Variants in GRM5 observed in about 807,000 individuals in gnomAD.
The protein encoded by GRM5 is glutamate metabotropic receptor 5.
GRM5 carries 19 observed loss-of-function variants against 83.1 expected under a neutral mutation model. The observed-to-expected ratio is 0.23, with a 90% CI of 0.16 to 0.34. The LOEUF (loss-of-function observed/expected upper bound fraction) is 0.34. Ranked by LOEUF, GRM5 falls within the 10% of genes least tolerant of loss-of-function variation. GRM5 has a pLI of 1.00. For missense variants in GRM5, 1,160 were observed against 1,588.3 expected (o/e 0.73, Z 4.58); for synonymous variants, 675 against 633.6 (o/e 1.07, Z -0.98).
At chr11:88,734,470 A>G (rs551396523) in intron 3 of GRM5, among the ~76,000 whole-genome samples, 1 of 152,202 alleles carries the variant, frequency 6.6e-6, no homozygotes, top group African/African-American at 2.4e-5. Flanking sequence ...AAGCATTGTA[A>G]GGAAGATCTC....
Position 88,801,535 on chromosome 11 carries a change from T to C in GRM5, c.911+48371A>G, listed in dbSNP as rs528883570. 1.8e-4 allele frequency among the ~76,000 whole-genome samples: 27 copies of C among 152,262 alleles called. 1 individual carries two copies. In the East Asian group the frequency reaches 5.0e-3, roughly 28 times the overall value. On this transcript the variant is annotated intron_variant, in intron 3 of 9. Coordinates refer to ENST00000305447, the MANE Select transcript of GRM5 (RefSeq NM_001143831.3). ...AATTTAGTTATTTGAGACAAATATA[T>C]CTACTTGTAAATAATCATCCATGCA... is the stretch of plus-strand genomic sequence containing the variant.
chr11:88,952,758 A>T (rs1263087082), intron 2 of GRM5, among the ~76,000 whole-genome samples: 1 of 152,162 alleles, frequency 6.6e-6, no homozygotes, highest in Non-Finnish European at 1.5e-5. Context: ...TTAAAAATAA[A>T]TCAGAACAAT....
chr11:88,891,890 G>A (rs1462958061), intron 2 of GRM5, among the ~76,000 whole-genome samples: 1 of 151,962 alleles, frequency 6.6e-6, no homozygotes, highest in Non-Finnish European at 1.5e-5. Flanking sequence ...AACAAGAGTT[G>A]TCTTAAATGG....
intron 4 of GRM5, among the ~76,000 whole-genome samples, chr11:88,610,368 A>T (rs12274100): frequency 0.22 from 33,049 of 151,924 alleles, 3,582 homozygotes; most frequent in Middle Eastern, 0.26. Flanking sequence ...TGTTCTTCCA[A>T]TTGTTTGTGT....
rs1226213295 is a variant in GRM5, at chr11:88,989,463, G to A, written c.661+57749C>T. 3.5e-5 allele frequency among the ~76,000 whole-genome samples: 4 copies of A among 112,952 alleles called. 2 individuals carry two copies. The highest frequency in any genetic ancestry group is 1.9e-4 in the Admixed American group (2 of 10,532). The allele number at this position is 112,952 out of a possible 152,430, so 74.1% of individuals were successfully genotyped here. On this transcript the variant is annotated intron_variant, in intron 2 of 9. Transcript: ENST00000305447. ...ATTAGACAGATCAACAAGACAGAAAGTCAACAAGGATACCCAGGAATTGAA... is the reference window on the plus strand; with the variant it reads ...ATTAGACAGATCAACAAGACAGAAAATCAACAAGGATACCCAGGAATTGAA...
At chr11:88,836,421 A>G (rs1380354655) in intron 3 of GRM5, among the ~76,000 whole-genome samples, 4 of 152,210 alleles carry the variant, frequency 2.6e-5, no homozygotes, top group African/African-American at 7.2e-5. Flanking sequence ...ATATGTATAT[A>G]TGTGTGTATA....
At chr11:88,769,082 T>G (rs11021265) in intron 3 of GRM5, among the ~76,000 whole-genome samples, 3,820 of 152,144 alleles carry the variant, frequency 0.025, 167 homozygotes, top group African/African-American at 0.088. Flanking sequence ...AGTCAATAAA[T>G]TTGTTTCCCA....
intron 3 of GRM5, among the ~76,000 whole-genome samples, chr11:88,842,284 C>G (rs866011640): frequency 1.4e-4 from 22 of 152,042 alleles, no homozygotes; most frequent in African/African-American, 4.1e-4. Context: ...AAATTTCAAC[C>G]TATCAACTGA....
At chr11:88,998,867 G>A (rs1326316123) in intron 2 of GRM5, among the ~76,000 whole-genome samples, 1 of 152,032 alleles carries the variant, frequency 6.6e-6, no homozygotes, top group Non-Finnish European at 1.5e-5. Flanking sequence ...AAGTATACAG[G>A]CTTTTTCTAT....
chr11:88,575,878 A>G (rs1943099633), intron 7 of GRM5, among the ~76,000 whole-genome samples: 1 of 152,174 alleles, frequency 6.6e-6, no homozygotes, highest in African/African-American at 2.4e-5. Context: ...ATTCCTTCAC[A>G]GAGCTGAAAA....
chr11:88,674,704 T>C (rs1940279986), intron 3 of GRM5, among the ~76,000 whole-genome samples: 2 of 151,912 alleles, frequency 1.3e-5, no homozygotes, highest in African/African-American at 4.8e-5. Context: ...ACTCAGTGTC[T>C]TGGGAAGCTA....
At chr11:88,517,620 C>A (rs1324037991) in intron 9 of GRM5, among the ~76,000 whole-genome samples, 1 of 152,086 alleles carries the variant, frequency 6.6e-6, no homozygotes, top group Non-Finnish European at 1.5e-5. Flanking sequence ...ATTAGTTGGA[C>A]ACAATTCCCA....
intron 2 of GRM5, among the ~76,000 whole-genome samples, chr11:89,007,590 A>T (rs1429022312): frequency 6.6e-6 from 1 of 152,222 alleles, no homozygotes; most frequent in Non-Finnish European, 1.5e-5. Context: ...CTAGATAGGT[A>T]ATAAAGGTTT....
At chr11:88,959,059 A>T (rs1938707199) in intron 2 of GRM5, among the ~76,000 whole-genome samples, 3 of 152,148 alleles carry the variant, frequency 2.0e-5, no homozygotes, top group Admixed American at 2.0e-4. Flanking sequence ...TATTCATAAG[A>T]GAATGAGAAA....
intron 2 of GRM5, among the ~76,000 whole-genome samples, chr11:88,922,541 A>C (rs912795551): frequency 2.0e-5 from 3 of 152,288 alleles, no homozygotes; most frequent in Admixed American, 2.0e-4. Context: ...GAAGAATAAA[A>C]CTATACTCTT....
chr11:88,587,980 C>A (rs1591366677), intron 7 of GRM5, among the ~76,000 whole-genome samples: 1 of 152,112 alleles, frequency 6.6e-6, no homozygotes, highest in Non-Finnish European at 1.5e-5. Context: ...AGGATTTAAT[C>A]CACAAACCTA....
chr11:88,518,359 T>G (rs113440280), intron 9 of GRM5, among the ~76,000 whole-genome samples: 190 of 152,066 alleles, frequency 1.2e-3, no homozygotes, highest in African/African-American at 4.4e-3. Context: ...TCTGGAAAAA[T>G]GCTTATAATA....
Position 88,508,966 on chromosome 11 carries a change from C to A in GRM5, c.3265G>T (p.Val1089Phe). ...MLSTAAPSPG[V>F]GAPLCSSYLI... Reference sequence around the variant, plus strand: ...TAGGACGAGCAGAGCGGGGCGCCGACGCCGGGGCTGGGGGCCGCGGTGGAC... The same window carrying A: ...TAGGACGAGCAGAGCGGGGCGCCGAAGCCGGGGCTGGGGGCCGCGGTGGAC... The change falls in exon 10 of 10, where the codon GTC becomes TTC. Residue 1089 changes from valine (V) to phenylalanine (F), a missense_variant. This residue lies in a region of GRM5 where 562 missense variants were observed against 532.4 expected (regional missense o/e 1.06). Coordinates refer to ENST00000305447, the MANE Select transcript of GRM5 (RefSeq NM_001143831.3). This position sits in a 1 kb window ranked among gnomAD's most constrained non-coding sequence, Gnocchi z 4.2. 1 of 1,589,546 alleles carries A rather than the reference C, an allele frequency of 6.3e-7. No individual in the cohort carries two copies. The highest frequency in any genetic ancestry group is 8.6e-7 in the Non-Finnish European group (1 of 1,168,064).
intron 3 of GRM5, among the ~76,000 whole-genome samples, chr11:88,837,525 A>C (rs564249585): frequency 6.6e-6 from 1 of 152,244 alleles, no homozygotes; most frequent in Non-Finnish European, 1.5e-5. Context: ...TTAAATATTT[A>C]TCTAAACAAA....
Sources: gnomAD v4.1 joint callset for allele counts (sites outside exome capture counted in the v4.1 genomes callset) on GRCh38, gnomAD v4.1.1 for gene constraint, gnomAD v4.1.1 regional missense constraint, Gnocchi (gnomAD v3.1) non-coding constraint, MANE v1.5 for transcripts, NCBI Gene and HGNC (gene_info 2026-07-23, HGNC 2026-07-21) for gene names.